Variants in COL27A1 observed in about 807,000 individuals in gnomAD.
COL27A1 encodes collagen alpha-1(XXVII) chain.
Under a neutral mutation model 251.3 loss-of-function variants are expected in COL27A1, and 106 were observed. The observed-to-expected ratio is 0.42, with a 90% CI of 0.36 to 0.50. The LOEUF (loss-of-function observed/expected upper bound fraction) is 0.50, where lower values mean the gene tolerates loss of function less well. COL27A1 is among the 20% of genes least tolerant of loss of function. COL27A1 has a pLI of 0.00. For missense variants in COL27A1, 2,325 were observed against 2,522.8 expected (o/e 0.92, Z 1.68); for synonymous variants, 1,000 against 986.3 (o/e 1.01, Z -0.26).
intron 31 of COL27A1, 37 bp from the exon 32 acceptor site, chr9:114,265,385 T>C (rs1356363725): frequency 3.1e-6 from 5 of 1,605,702 alleles, no homozygotes; most frequent in South Asian, 1.1e-5. Flanking sequence ...GAGAAGGCCA[T>C]GGAGGGCCTA....
Position 114,310,753 on chromosome 9 carries a change from G to A in COL27A1, c.*58G>A. On this transcript the variant is annotated 3_prime_UTR_variant, in exon 61 of 61. Transcript: ENST00000356083. ...GAGGAGGGAAGAGGAAGAGGCAAGGGGAGGGTACTGAGGGGCAGATGGCTC... is the reference window on the plus strand; with the variant it reads ...GAGGAGGGAAGAGGAAGAGGCAAGGAGAGGGTACTGAGGGGCAGATGGCTC... The A allele has an allele frequency of 2.5e-6, 4 of 1,594,608 alleles. No individual in the cohort carries two copies. Among genetic ancestry groups the A allele is most frequent in the Non-Finnish European group, 3.4e-6 (4 of 1,165,880 alleles).
intron 7 of COL27A1, among the ~76,000 whole-genome samples, chr9:114,197,740 G>A (rs976869846): frequency 6.6e-6 from 1 of 152,246 alleles, no homozygotes; most frequent in Admixed American, 6.5e-5. Flanking sequence ...CCAAGTTAAG[G>A]AAAAGCCACT....
intron 37 of COL27A1, among the ~76,000 whole-genome samples, chr9:114,275,983 T>G (rs1256583235): frequency 2.0e-5 from 3 of 152,226 alleles, no homozygotes; most frequent in African/African-American, 7.2e-5. Context: ...CTGGCTGCCC[T>G]GCCCTGTGCA....
rs553314464 is a variant in COL27A1, at chr9:114,198,828, G to C, written c.2124+2816G>C. Among the ~76,000 whole-genome samples, 5 of 152,306 alleles carry C rather than the reference G, an allele frequency of 3.3e-5. No homozygotes were observed. In the South Asian group the frequency reaches 1.0e-3, roughly 32 times the overall value. On this transcript the variant is annotated intron_variant, in intron 7 of 60. Coordinates refer to ENST00000356083, the MANE Select transcript of COL27A1 (RefSeq NM_032888.4). ...TAGACCTGGATGGAATCCCCGCTCT[G>C]TCCCTCTCCTGCTGTGTGAGCTTGG...
intron 33 of COL27A1, among the ~76,000 whole-genome samples, chr9:114,267,215 C>A (rs1834809149): frequency 6.6e-6 from 1 of 152,188 alleles, no homozygotes; most frequent in Admixed American, 6.5e-5. Flanking sequence ...ATGAAATTTT[C>A]TTCCCTCTGC....
intron 11 of COL27A1, among the ~76,000 whole-genome samples, chr9:114,210,480 G>C (rs1830271576): frequency 1.3e-5 from 2 of 152,194 alleles, no homozygotes; most frequent in Non-Finnish European, 1.5e-5. Context: ...TGGTGGGACT[G>C]GTTTGGTGGT....
At chr9:114,253,071 C>A in intron 27 of COL27A1, 139 bp downstream of exon 27, 1 of 710,254 alleles carries the variant, frequency 1.4e-6, no homozygotes, top group Non-Finnish European at 2.4e-6. Flanking sequence ...ACCAGCCTGA[C>A]AAACATACCA....
In COL27A1 at chr9:114,196,541, C is replaced by T. The variant is rs139224485; in HGVS notation, c.2124+529C>T. 5.6e-3 allele frequency among the ~76,000 whole-genome samples: 848 copies of T among 152,316 alleles called. 6 individuals are homozygous for T. The highest frequency in any genetic ancestry group is 0.019 in the African/African-American group (803 of 41,562). On this transcript the variant is annotated intron_variant, in intron 7 of 60. Coordinates refer to ENST00000356083, the MANE Select transcript of COL27A1 (RefSeq NM_032888.4). ...CCCTGGGGTCAGTTGGACCTGGGTC[C>T]TACTCCTGCTTCTGCCATTTCCTGG... is the stretch of plus-strand genomic sequence containing the variant.
chr9:114,242,047 G>A (rs532329315), intron 21 of COL27A1, 140 bp from the exon 22 acceptor site: 3 of 647,086 alleles, frequency 4.6e-6, no homozygotes, highest in Admixed American at 3.8e-5. Context: ...GGCCAGGCAG[G>A]TGGGCCAGGC....
intron 5 of COL27A1, among the ~76,000 whole-genome samples, chr9:114,193,213 A>G (rs1828870370): frequency 1.3e-5 from 2 of 152,130 alleles, no homozygotes; most frequent in African/African-American, 2.4e-5. Context: ...GAGCTCTTAG[A>G]AGGTGACACA....
chr9:114,216,814 G>A (rs1294346551), intron 12 of COL27A1, among the ~76,000 whole-genome samples: 2 of 152,042 alleles, frequency 1.3e-5, no homozygotes, highest in South Asian at 2.1e-4. Context: ...GGCCCTCAGC[G>A]TGTCCAAGCA....
intron 4 of COL27A1, among the ~76,000 whole-genome samples, chr9:114,180,292 A>C (rs1827802157): frequency 6.6e-6 from 1 of 152,158 alleles, no homozygotes; most frequent in Admixed American, 6.5e-5. Context: ...ATTGGTGAAG[A>C]GTTCTAATGT....
chr9:114,297,939 T>C (rs1053835336), intron 49 of COL27A1, among the ~76,000 whole-genome samples: 2 of 152,006 alleles, frequency 1.3e-5, no homozygotes, highest in Non-Finnish European at 2.9e-5. Flanking sequence ...AATTCAAAAA[T>C]GAAATTAATA....
intron 19 of COL27A1, 85 bp from the exon 20 acceptor site, chr9:114,240,135 C>A: frequency 1.6e-6 from 2 of 1,236,412 alleles, no homozygotes; most frequent in Non-Finnish European, 2.4e-6. Flanking sequence ...GAGATGGAAA[C>A]CCGGTCAGTC....
Position 114,205,218 on chromosome 9 carries a change from T to C in COL27A1, c.2169+72T>C, listed in dbSNP as rs551937051. On this transcript the variant is annotated intron_variant, in intron 8 of 60. Transcript: ENST00000356083. The stretch of plus-strand genomic sequence containing the variant: ...CAGCCCCTACCTGTCTCTGGCCCCC[T>C]CCCTAGATCCTGCTCTGTGAGCCAG... 4.5e-5 allele frequency: 63 copies of C among 1,394,364 alleles called. 1 individual carries two copies. The Admixed American group carries it at 1.1e-3, about 25-fold the overall frequency. 86.4% of individuals were successfully genotyped at this position (1,394,364 alleles called of 1,614,324 possible). A position where few individuals can be genotyped will look rare whatever the true frequency, so the allele number is the denominator to read the frequency against.
At chr9:114,242,136 C>G (rs1197531820) in intron 21 of COL27A1, 51 bp from the exon 22 acceptor site, 5 of 1,499,284 alleles carry the variant, frequency 3.3e-6, no homozygotes, top group Non-Finnish European at 4.5e-6. Context: ...TCTGCAAGTC[C>G]AACTGGATTA....
At position 114,205,098 on chromosome 9, in the gene COL27A1, A is replaced by G. The variant is rs1829855649; in HGVS notation, c.2125-4A>G. 6.2e-7 allele frequency: 1 copy of G among 1,613,482 alleles called. No homozygotes were observed. Among genetic ancestry groups the G allele is most frequent in the Non-Finnish European group, 8.5e-7 (1 of 1,179,864 alleles). On this transcript the variant is annotated splice_polypyrimidine_tract_variant and splice_region_variant and intron_variant, in intron 7 of 60. Coordinates refer to ENST00000356083, the MANE Select transcript of COL27A1 (RefSeq NM_032888.4). ...CCTGATGCAGCTTCTTCCCCCTCCAACAGGGACACAAGGGCTATCCTGGAC... is the reference window on the plus strand; with the variant it reads ...CCTGATGCAGCTTCTTCCCCCTCCAGCAGGGACACAAGGGCTATCCTGGAC...
In COL27A1 at chr9:114,168,015, G is replaced by A. The variant is rs1044459381; in HGVS notation, c.460G>A (p.Gly154Arg). ...GGCCTTCGACCTCGACATGCACGAC[G>A]GGCGCTGGCACCACCTGGCCCTCGA... ...SVAFDLDMHD[G>R]RWHHLALELR... Residue 154 changes from glycine (G) to arginine (R), a missense_variant, in exon 3 of 61, where the codon GGG becomes AGG. Coordinates refer to ENST00000356083, the MANE Select transcript of COL27A1 (RefSeq NM_032888.4). The A allele has an allele frequency of 1.9e-5, 31 of 1,604,450 alleles. No homozygotes were observed. Among genetic ancestry groups the A allele is most frequent in the Admixed American group, 5.0e-5 (3 of 59,970 alleles).
chr9:114,237,081 T>G (rs778941240), intron 18 of COL27A1, 47 bp downstream of exon 18: 1 of 1,521,952 alleles, frequency 6.6e-7, no homozygotes, highest in Admixed American at 2.1e-5. Context: ...ACTCTCCAAC[T>G]GATCGTGTAA....
Sources: gnomAD v4.1 joint callset for allele counts (sites outside exome capture counted in the v4.1 genomes callset) on GRCh38, gnomAD v4.1.1 for gene constraint, MANE v1.5 for transcripts, NCBI Gene and HGNC (gene_info 2026-07-23, HGNC 2026-07-21) for gene names.